TNKS: variants seen among roughly 807,000 people sequenced by gnomAD.
TNKS encodes the protein poly [ADP-ribose] polymerase tankyrase-1.
Under a neutral mutation model 135.8 loss-of-function variants are expected in TNKS, and 72 were observed. That is an observed-to-expected ratio of 0.53 (90% confidence interval 0.44 to 0.64). The LOEUF is 0.64. TNKS is among the 30% of genes least tolerant of loss of function. The pLI is 0.00. For synonymous variants in TNKS, 849 were observed against 649.3 expected, an observed-to-expected ratio of 1.31 and a Z score of -4.68; for missense variants, 1,769 against 1,674.0, an observed-to-expected ratio of 1.06 and a Z score of -0.99.
chr8:9,595,203 C>T (rs1025624454), intron 2 of TNKS, among the ~76,000 whole-genome samples: 1 of 150,640 alleles, frequency 6.6e-6, no homozygotes. Context: ...TCACTGCAAC[C>T]TCTGCCTCCC....
At chr8:9,756,202 C>G (rs1344842116) in intron 20 of TNKS, among the ~76,000 whole-genome samples, 1 of 152,048 alleles carries the variant, frequency 6.6e-6, no homozygotes, top group African/African-American at 2.4e-5. Context: ...TTCTTGAAGA[C>G]AAAAGCATGG....
chr8:9,707,392 G>C (rs1181193110), intron 8 of TNKS, among the ~76,000 whole-genome samples: 3 of 152,114 alleles, frequency 2.0e-5, no homozygotes, highest in Admixed American at 1.3e-4. Flanking sequence ...TAGGTATCTA[G>C]CATTATTGAA....
chr8:9,724,707 G>T (rs10465002), intron 12 of TNKS, among the ~76,000 whole-genome samples: 106,396 of 152,002 alleles, frequency 0.7, 37,781 homozygotes, highest in Admixed American at 0.8. Flanking sequence ...CTACAATCTG[G>T]ATAGTAATTA....
At chr8:9,694,991 C>T (rs1169839721) in intron 5 of TNKS, among the ~76,000 whole-genome samples, 1 of 152,100 alleles carries the variant, frequency 6.6e-6, no homozygotes, top group African/African-American at 2.4e-5. Context: ...CCAGCATTAT[C>T]AGAGCAAGGA....
chr8:9,709,690 ATATT>A (rs1260726033), intron 9 of TNKS, among the ~76,000 whole-genome samples: 2 of 152,194 alleles, frequency 1.3e-5, no homozygotes, highest in African/African-American at 4.8e-5. Context: ...TATATAGTGA[ATATT>A]TATTGATTGG....
chr8:9,576,889 CATGAA>C (rs1163796848), intron 1 of TNKS, among the ~76,000 whole-genome samples: 1 of 151,870 alleles, frequency 6.6e-6, no homozygotes, highest in Admixed American at 6.6e-5. Flanking sequence ...CAAATAATAA[CATGAA>C]ATGTATAAAA....
Position 9,556,412 on chromosome 8 carries a change from G to C in TNKS, c.473G>C (p.Gly158Ala). 1 of 1,614,202 alleles carries C rather than the reference G, an allele frequency of 6.2e-7. No homozygotes were observed. Residue 158 changes from glycine (G) to alanine (A), a missense_variant, in exon 1 of 27, where the codon GGA becomes GCA. By Grantham distance (60) the Gly-to-Ala change is moderately conservative. This residue lies in a region of TNKS where 450 missense variants were observed against 304.9 expected (regional missense o/e 1.48). Coordinates refer to ENST00000310430, the MANE Select transcript of TNKS (RefSeq NM_003747.3). ...SSLAESPEAA[G>A]VSSTAPLGPG... is the part of the protein sequence containing the mutation. Reference sequence around the variant, plus strand: ...TTGGCGGAGAGCCCCGAGGCGGCCGGAGTTAGCAGCACAGCACCACTGGGG... The same window carrying C: ...TTGGCGGAGAGCCCCGAGGCGGCCGCAGTTAGCAGCACAGCACCACTGGGG...
rs2128819418 is a variant in TNKS, at chr8:9,735,006, G to A, written c.2455G>A (p.Val819Met). ...DAAKKGCLAR[V>M]QKLCTPENIN... ...TGCCAAGAAGGGCTGCCTGGCAAGA[G>A]TGCAGAAGCTCTGTACCCCAGAGAA... Residue 819 changes from valine (V) to methionine (M), a missense_variant, in exon 16 of 27, where the codon GTG becomes ATG. Physicochemically the swap from Val to Met is conservative, Grantham distance 21 (BLOSUM62 1). Transcript: ENST00000310430. 1 of 1,614,162 alleles carries A rather than the reference G, an allele frequency of 6.2e-7. No individual in the cohort carries two copies. The highest frequency in any genetic ancestry group is 1.1e-5 in the South Asian group (1 of 91,076).
chr8:9,752,845 A>G lies in TNKS; in HGVS notation c.3153+219A>G, dbSNP rs910938832. Reference sequence around the variant, plus strand: ...GCATGGTGACTTACTGGGCCCCTGTAGTGCTAGCTGCTGGGAAGCTGAAGC... The same window carrying G: ...GCATGGTGACTTACTGGGCCCCTGTGGTGCTAGCTGCTGGGAAGCTGAAGC... On this transcript the variant is annotated intron_variant, in intron 20 of 26. Transcript: ENST00000310430. Among the ~76,000 whole-genome samples the G allele has an allele frequency of 2.6e-5, 4 of 151,760 alleles. No individual in the cohort carries two copies. The East Asian group carries it at 7.7e-4, about 29-fold the overall frequency.
At chr8:9,762,766 G>C (rs1807211798) in intron 21 of TNKS, among the ~76,000 whole-genome samples, 1 of 151,986 alleles carries the variant, frequency 6.6e-6, no homozygotes, top group South Asian at 2.1e-4. Flanking sequence ...TTAGCTGGGT[G>C]TGGTGGTGGG....
At position 9,775,301 on chromosome 8, in the gene TNKS, A is replaced by C. The variant is rs571097982; in HGVS notation, c.3898-1349A>C. Among the ~76,000 whole-genome samples, 3 of 151,958 alleles carry C rather than the reference A, an allele frequency of 2.0e-5. No individual in the cohort carries two copies. The South Asian group carries it at 6.2e-4, about 32-fold the overall frequency. The stretch of plus-strand genomic sequence containing the variant: ...GAAACTGTAATATTCTCACAAAAAT[A>C]AAAGTACAGACTGGTTACTGAGACT... On this transcript the variant is annotated intron_variant, in intron 26 of 26. Coordinates refer to ENST00000310430, the MANE Select transcript of TNKS (RefSeq NM_003747.3).
In TNKS at chr8:9,778,546, G is replaced by A. The variant is rs747083154; in HGVS notation, c.*1810G>A. Reference sequence around the variant, plus strand: ...TTTTATGGGTCCTCAAAATTAAATCGAGAATTAGCCTCAGTTGTTGCTTCT... The same window carrying A: ...TTTTATGGGTCCTCAAAATTAAATCAAGAATTAGCCTCAGTTGTTGCTTCT... On this transcript the variant is annotated 3_prime_UTR_variant, in exon 27 of 27. Transcript: ENST00000310430. 4 of 152,584 alleles carry A rather than the reference G, an allele frequency of 2.6e-5. No individual in the cohort carries two copies. Among genetic ancestry groups the A allele is most frequent in the Admixed American group, 1.3e-4 (2 of 15,268 alleles). 9.5% of individuals were successfully genotyped at this position (152,584 alleles called of 1,614,324 possible).
intron 1 of TNKS, among the ~76,000 whole-genome samples, chr8:9,561,610 C>T (rs1320177932): frequency 6.6e-6 from 1 of 152,112 alleles, no homozygotes; most frequent in African/African-American, 2.4e-5. Context: ...AATTGATAGA[C>T]CCTTAAGCTG....
At chr8:9,656,608 T>A (rs1188127568) in intron 3 of TNKS, among the ~76,000 whole-genome samples, 1 of 44,382 alleles carries the variant, frequency 2.3e-5, no homozygotes, top group East Asian at 5.8e-4. Context: ...AGAAAAGAAT[T>A]TTCTTTTTTT....
intron 2 of TNKS, among the ~76,000 whole-genome samples, chr8:9,612,946 A>G (rs948736680): frequency 6.6e-6 from 1 of 152,228 alleles, no homozygotes. Context: ...TGTATTTACT[A>G]TTCATTAAGT....
At chr8:9,626,731 C>G (rs1800068786) in intron 3 of TNKS, among the ~76,000 whole-genome samples, 1 of 152,208 alleles carries the variant, frequency 6.6e-6, no homozygotes, top group Admixed American at 6.5e-5. Flanking sequence ...GGTTCCCTAT[C>G]TGGTCACTTT....
chr8:9,569,108 A>G (rs970715156), intron 1 of TNKS, among the ~76,000 whole-genome samples: 1 of 152,254 alleles, frequency 6.6e-6, no homozygotes. Context: ...TTAAGCTTAT[A>G]GCAATAGTTG....
Position 9,619,971 on chromosome 8 carries a change from G to A in TNKS, c.994+4294G>A, listed in dbSNP as rs147634627. Among the ~76,000 whole-genome samples, 426 of 145,916 alleles carry A rather than the reference G, an allele frequency of 2.9e-3. 2 individuals carry two copies. Among genetic ancestry groups the A allele is most frequent in the African/African-American group, 0.01 (403 of 39,464 alleles). ...ATTTTTATTTATTTTTTTTTTTTGC[G>A]ACGGAGTCTCACTCTGTCGCCAGGT... is the stretch of plus-strand genomic sequence containing the variant. On this transcript the variant is annotated intron_variant, in intron 3 of 26. Transcript: ENST00000310430.
In TNKS at chr8:9,598,342, C is replaced by T. The variant is rs539850139; in HGVS notation, c.899-17240C>T. Among the ~76,000 whole-genome samples, 37 of 152,090 alleles carry T rather than the reference C, an allele frequency of 2.4e-4. 1 individual carries two copies. Among genetic ancestry groups the T allele is most frequent in the East Asian group, 1.9e-3 (10 of 5,166 alleles). ...GATTACAGGTGTGAGCCACCGCGCCCGGCCAGTAATGATATACTTTCTTAG... is the reference window on the plus strand; with the variant it reads ...GATTACAGGTGTGAGCCACCGCGCCTGGCCAGTAATGATATACTTTCTTAG... On this transcript the variant is annotated intron_variant, in intron 2 of 26. Transcript: ENST00000310430.
Sources: allele counts gnomAD v4.1 joint callset (sites outside exome capture counted in the v4.1 genomes callset), GRCh38; gene constraint gnomAD v4.1.1; regional missense constraint gnomAD v4.1.1; transcripts MANE v1.5; gene names NCBI Gene and HGNC (gene_info 2026-07-23, HGNC 2026-07-21).